Variants in HGD observed in about 807,000 individuals in gnomAD.
The protein encoded by HGD is homogentisate oxidase.
HGD carries 61 observed loss-of-function variants against 60.8 expected under a neutral mutation model. The ratio of observed to expected loss-of-function variants is 1.00; its 90% CI spans 0.82 to 1.24. The LOEUF is 1.24. HGD is among the 50% of genes most tolerant of loss of function. The pLI is 0.00. For missense variants in HGD, 542 were observed against 547.1 expected (o/e 0.99, Z 0.09); for synonymous variants, 212 against 187.7 (o/e 1.13, Z -1.06).
At chr3:120,651,009 C>A (rs895143872) in intron 5 of HGD, 144 bp from the exon 6 acceptor site, 14 of 745,962 alleles carry the variant, frequency 1.9e-5, no homozygotes, top group Non-Finnish European at 3.2e-5. Context: ...ATCCAGGCAG[C>A]CTCTAAGGAG....
intron 13 of HGD, among the ~76,000 whole-genome samples, chr3:120,630,821 T>TAG (rs1940563729): frequency 1.2e-5 from 1 of 80,696 alleles, no homozygotes; most frequent in Non-Finnish European, 2.5e-5. Flanking sequence ...TATATATATA[T>TAG]ATATACACAT....
intron 5 of HGD, among the ~76,000 whole-genome samples, chr3:120,651,339 G>A (rs1474995231): frequency 6.6e-6 from 1 of 152,160 alleles, no homozygotes; most frequent in Non-Finnish European, 1.5e-5. Flanking sequence ...GCAGAGGACT[G>A]TATTCAGATG....
At chr3:120,669,703 A>G (rs1367670540) in intron 4 of HGD, among the ~76,000 whole-genome samples, 5 of 152,094 alleles carry the variant, frequency 3.3e-5, no homozygotes, top group Non-Finnish European at 7.4e-5. Context: ...TGTTTTCTGT[A>G]CATCACTTTC....
chr3:120,660,810 A>G (rs1283558348), intron 4 of HGD, among the ~76,000 whole-genome samples: 1 of 152,144 alleles, frequency 6.6e-6, no homozygotes, highest in Non-Finnish European at 1.5e-5. Context: ...GTACTCAAAA[A>G]ACAAAACAAA....
chr3:120,634,642 G>A (rs2107491722), intron 12 of HGD, among the ~76,000 whole-genome samples: 1 of 152,350 alleles, frequency 6.6e-6, no homozygotes, highest in Middle Eastern at 3.4e-3. Context: ...TCCTGTGAGA[G>A]TACTGAGAGG....
intron 4 of HGD, among the ~76,000 whole-genome samples, chr3:120,653,349 C>T (rs944109582): frequency 6.6e-6 from 1 of 152,190 alleles, no homozygotes; most frequent in Non-Finnish European, 1.5e-5. Flanking sequence ...GCTTATTAAT[C>T]AACTTGGCAG....
At chr3:120,633,749 A>C (rs1426875009) in intron 12 of HGD, among the ~76,000 whole-genome samples, 19 of 152,236 alleles carry the variant, frequency 1.2e-4, no homozygotes, top group Admixed American at 1.1e-3. Flanking sequence ...TGTAGGACAC[A>C]GCAACAGCAT....
chr3:120,678,213 T>G (rs1233565004), intron 1 of HGD, among the ~76,000 whole-genome samples: 3 of 152,236 alleles, frequency 2.0e-5, no homozygotes, highest in South Asian at 2.1e-4. Context: ...GATTCTCCAC[T>G]GCATCCAATT....
At chr3:120,661,109 T>C (rs1174392111) in intron 4 of HGD, among the ~76,000 whole-genome samples, 3 of 152,236 alleles carry the variant, frequency 2.0e-5, no homozygotes, top group Non-Finnish European at 2.9e-5. Context: ...TACTAAGAAC[T>C]GATGCCAACA....
At chr3:120,651,320 T>C (rs1421588423) in intron 5 of HGD, among the ~76,000 whole-genome samples, 2 of 152,172 alleles carry the variant, frequency 1.3e-5, no homozygotes, top group Admixed American at 6.5e-5. Flanking sequence ...CTAATCTCTC[T>C]GGAACAGGGC....
At chr3:120,667,338 A>G (rs1707922957) in intron 4 of HGD, among the ~76,000 whole-genome samples, 1 of 151,172 alleles carries the variant, frequency 6.6e-6, no homozygotes, top group Non-Finnish European at 1.5e-5. Flanking sequence ...AAAAAAAAAA[A>G]AAAAAAAAAA....
At chr3:120,633,116 G>A (rs1176753036) in intron 13 of HGD, 31 bp downstream of exon 13, 2 of 1,609,334 alleles carry the variant, frequency 1.2e-6, no homozygotes, top group Admixed American at 3.3e-5. Context: ...GAGTTCAGAG[G>A]CCGCTGGAAT....
intron 1 of HGD, among the ~76,000 whole-genome samples, chr3:120,680,241 G>A (rs554847042): frequency 8.6e-5 from 13 of 152,036 alleles, no homozygotes; most frequent in Non-Finnish European, 1.8e-4. Context: ...TTTCATTTAC[G>A]GCTTTGTGTT....
intron 5 of HGD, among the ~76,000 whole-genome samples, 195 bp from the exon 6 acceptor site, chr3:120,651,060 C>T (rs1233542854): frequency 6.6e-6 from 1 of 152,176 alleles, no homozygotes; most frequent in African/African-American, 2.4e-5. Context: ...TGTGGTTTAC[C>T]CTAGTCTCCA....
chr3:120,669,483 A>ACACACC (rs1455844316), intron 4 of HGD, among the ~76,000 whole-genome samples: 17 of 148,588 alleles, frequency 1.1e-4, no homozygotes, highest in African/African-American at 3.2e-4. Flanking sequence ...ACACACACAC[A>ACACACC]CACGCAGACT....
At chr3:120,668,515 G>A (rs1168080426) in intron 4 of HGD, among the ~76,000 whole-genome samples, 3 of 152,094 alleles carry the variant, frequency 2.0e-5, no homozygotes, top group South Asian at 2.1e-4. Context: ...GGAAAGTGGC[G>A]GGGTGGGGAG....
At chr3:120,668,694 T>C (rs890323728) in intron 4 of HGD, among the ~76,000 whole-genome samples, 8 of 152,238 alleles carry the variant, frequency 5.3e-5, no homozygotes, top group Non-Finnish European at 1.0e-4. Flanking sequence ...CCAGGCATTG[T>C]ATGAAGCAGG....
intron 12 of HGD, chr3:120,633,661 T>C: frequency 1.7e-6 from 2 of 1,191,918 alleles, no homozygotes; most frequent in South Asian, 1.3e-5. Context: ...GCGAATGTAC[T>C]CTATCATCTA....
At chr3:120,671,040 A>C (rs1708014897) in intron 3 of HGD, among the ~76,000 whole-genome samples, 2 of 152,230 alleles carry the variant, frequency 1.3e-5, no homozygotes, top group African/African-American at 4.8e-5. Flanking sequence ...TGCCAAAGGT[A>C]AAAATAATTC....
Sources: gnomAD v4.1 joint callset for allele counts (sites outside exome capture counted in the v4.1 genomes callset) on GRCh38, gnomAD v4.1.1 for gene constraint, MANE v1.5 for transcripts, NCBI Gene and HGNC (gene_info 2026-07-23, HGNC 2026-07-21) for gene names.